Variants in KCNH1 observed in about 807,000 individuals in gnomAD.
The protein encoded by KCNH1 is voltage-gated delayed rectifier potassium channel KCNH1.
In KCNH1, 27 loss-of-function variants were observed where a neutral mutation model predicts 69.2. The observed-to-expected ratio is 0.39, with a 90% CI of 0.29 to 0.54. The LOEUF (loss-of-function observed/expected upper bound fraction) is 0.54, where lower values mean the gene tolerates loss of function less well. Ranked by LOEUF, KCNH1 falls within the 20% of genes least tolerant of loss-of-function variation. The probability of loss-of-function intolerance (pLI) is 0.68; values close to 1 mark genes in which losing one functional copy is unlikely to be tolerated. For missense variants in KCNH1, 798 were observed against 1,261.6 expected (o/e 0.63, Z 5.57); for synonymous variants, 456 against 487.7 (o/e 0.93, Z 0.86).
intron 7 of KCNH1, among the ~76,000 whole-genome samples, chr1:210,826,399 T>C (rs1353560652): frequency 6.6e-6 from 1 of 152,162 alleles, no homozygotes; most frequent in Non-Finnish European, 1.5e-5. Flanking sequence ...CCTATGGAAT[T>C]AGTAATGCTG....
intron 7 of KCNH1, among the ~76,000 whole-genome samples, chr1:210,899,069 G>T (rs1269731697): frequency 6.6e-6 from 1 of 152,164 alleles, no homozygotes; most frequent in Non-Finnish European, 1.5e-5. Context: ...ATAGAACCCA[G>T]TGTCTAGAAA....
intron 2 of KCNH1, among the ~76,000 whole-genome samples, chr1:211,104,932 G>A (rs1462126548): frequency 1.3e-5 from 2 of 152,182 alleles, no homozygotes; most frequent in Non-Finnish European, 2.9e-5. Context: ...GAACCACCAA[G>A]TCAAGCACCA....
At chr1:210,993,154 T>G (rs1688965308) in intron 6 of KCNH1, among the ~76,000 whole-genome samples, 1 of 152,186 alleles carries the variant, frequency 6.6e-6, no homozygotes, top group Admixed American at 6.5e-5. Flanking sequence ...CGATTAGAAA[T>G]ATGTACACTA....
At chr1:210,792,058 G>T (rs150783364) in intron 9 of KCNH1, among the ~76,000 whole-genome samples, 2,168 of 152,170 alleles carry the variant, frequency 0.014, 20 homozygotes, top group Non-Finnish European at 0.022. Context: ...TCTTCCCCAT[G>T]GCTCTTCCCA....
At chr1:211,042,347 C>T (rs1690010732) in intron 5 of KCNH1, among the ~76,000 whole-genome samples, 1 of 151,930 alleles carries the variant, frequency 6.6e-6, no homozygotes, top group Non-Finnish European at 1.5e-5. Flanking sequence ...ATCATAAGCC[C>T]CATGAAAACA....
At chr1:211,055,142 A>G (rs1256015398) in intron 5 of KCNH1, among the ~76,000 whole-genome samples, 1 of 152,218 alleles carries the variant, frequency 6.6e-6, no homozygotes, top group Non-Finnish European at 1.5e-5. Context: ...TTTCAACGTC[A>G]TATAAAAAGG....
At chr1:211,125,816 T>C (rs189392871) in intron 1 of KCNH1, among the ~76,000 whole-genome samples, 83 of 152,350 alleles carry the variant, frequency 5.4e-4, no homozygotes, top group African/African-American at 1.9e-3. Flanking sequence ...ACATTAATAA[T>C]TATAGGATTG....
At chr1:210,994,154 A>C (rs1688981425) in intron 6 of KCNH1, among the ~76,000 whole-genome samples, 1 of 152,238 alleles carries the variant, frequency 6.6e-6, no homozygotes, top group African/African-American at 2.4e-5. Flanking sequence ...ATTCATGAAT[A>C]GTTGGTATTA....
At chr1:210,832,794 T>C (rs1413188972) in intron 7 of KCNH1, among the ~76,000 whole-genome samples, 1 of 151,820 alleles carries the variant, frequency 6.6e-6, no homozygotes, top group Non-Finnish European at 1.5e-5. Context: ...AGACCGCAGA[T>C]AGTCTATGCA....
intron 7 of KCNH1, among the ~76,000 whole-genome samples, chr1:210,885,686 G>A (rs1026258940): frequency 7.9e-5 from 12 of 152,126 alleles, no homozygotes; most frequent in African/African-American, 2.4e-4. Context: ...AAGTCCACCT[G>A]GGACACTTGA....
chr1:210,930,301 G>A (rs1015411365), intron 6 of KCNH1, among the ~76,000 whole-genome samples: 17 of 152,108 alleles, frequency 1.1e-4, no homozygotes, highest in Admixed American at 2.0e-4. Context: ...TAAGGCCATC[G>A]TCACCAAAAC....
intron 6 of KCNH1, among the ~76,000 whole-genome samples, chr1:210,951,396 T>G (rs1434699510): frequency 6.6e-6 from 1 of 152,130 alleles, no homozygotes; most frequent in Non-Finnish European, 1.5e-5. Flanking sequence ...AAGGAGAACG[T>G]TCTTGATGCT....
intron 5 of KCNH1, among the ~76,000 whole-genome samples, chr1:211,058,547 G>A (rs140128454): frequency 1.3e-5 from 2 of 152,054 alleles, no homozygotes; most frequent in African/African-American, 4.8e-5. Flanking sequence ...TTAAAATAAT[G>A]GCTGATATTA....
At chr1:210,877,212 T>G (rs1574312258) in intron 7 of KCNH1, among the ~76,000 whole-genome samples, 1 of 152,160 alleles carries the variant, frequency 6.6e-6, no homozygotes, top group Admixed American at 6.5e-5. Flanking sequence ...GTAGTTGATG[T>G]GGTCATTCAT....
At chr1:211,026,104 C>A (rs1352665858) in intron 5 of KCNH1, among the ~76,000 whole-genome samples, 1 of 152,130 alleles carries the variant, frequency 6.6e-6, no homozygotes, top group Non-Finnish European at 1.5e-5. Context: ...ATCACCCCAA[C>A]AAGAATACAG....
At chr1:211,019,700 C>T (rs1364712335) in intron 5 of KCNH1, among the ~76,000 whole-genome samples, 1 of 152,164 alleles carries the variant, frequency 6.6e-6, no homozygotes, top group Non-Finnish European at 1.5e-5. Context: ...CTGCAGAATA[C>T]ACATTCTTCT....
At chr1:210,708,155 C>T (rs1289037785) in intron 10 of KCNH1, among the ~76,000 whole-genome samples, 1 of 152,128 alleles carries the variant, frequency 6.6e-6, no homozygotes, top group African/African-American at 2.4e-5. Context: ...GAAGGGGTGT[C>T]CCCCATTCAC....
intron 10 of KCNH1, among the ~76,000 whole-genome samples, chr1:210,695,652 A>T (rs1406674512): frequency 6.6e-6 from 1 of 152,200 alleles, no homozygotes; most frequent in Non-Finnish European, 1.5e-5. Context: ...GCAAACATTC[A>T]GTGACTATCT....
chr1:211,103,742 CA>C, intron 2 of KCNH1, 140 bp from the exon 3 acceptor site: 4 of 576,210 alleles, frequency 6.9e-6, no homozygotes, highest in East Asian at 3.0e-5. Flanking sequence ...ATCACTGACT[CA>C]AAAAAATTTA....
Sources: gnomAD v4.1 joint callset for allele counts (sites outside exome capture counted in the v4.1 genomes callset) on GRCh38, gnomAD v4.1.1 for gene constraint, MANE v1.5 for transcripts, NCBI Gene and HGNC (gene_info 2026-07-23, HGNC 2026-07-21) for gene names.